Variants in IL2RA observed in about 807,000 individuals in gnomAD.
IL2RA encodes the protein interleukin-2 receptor subunit alpha.
Under a neutral mutation model 37.8 loss-of-function variants are expected in IL2RA, and 24 were observed. The ratio of observed to expected loss-of-function variants is 0.63; its 90% CI spans 0.46 to 0.89. IL2RA has a LOEUF of 0.89. Ranked by LOEUF, IL2RA falls within the 40% of genes least tolerant of loss-of-function variation. IL2RA has a pLI of 0.00. For synonymous variants in IL2RA, 125 were observed against 114.6 expected (o/e 1.09, Z -0.58); for missense variants, 319 against 348.6 (o/e 0.92, Z 0.68).
intron 1 of IL2RA, among the ~76,000 whole-genome samples, chr10:6,031,555 A>G (rs990668944): frequency 2.1e-5 from 3 of 144,324 alleles, no homozygotes; most frequent in Non-Finnish European, 4.5e-5. Flanking sequence ...AGTTCTATAT[A>G]CTGACACAAC....
rs12722671 is a variant in IL2RA, at chr10:6,033,198, G to A, written c.65-7173C>T. On this transcript the variant is annotated intron_variant, in intron 1 of 7. Coordinates refer to ENST00000379959, the MANE Select transcript of IL2RA (RefSeq NM_000417.3). The surrounding 1 kb of genome is among the most constrained non-coding windows in gnomAD (Gnocchi z 4.3). ...TTGAGACCAGCCCGGTCAACATGGC[G>A]AAACCCTTTCTCTACTAAGGAGGCA... is the stretch of plus-strand genomic sequence containing the variant. Among the ~76,000 whole-genome samples, 376 of 152,120 alleles carry A rather than the reference G, an allele frequency of 2.5e-3. 2 individuals carry two copies. The highest frequency in any genetic ancestry group is 8.1e-3 in the African/African-American group (337 of 41,512).
Position 6,054,779 on chromosome 10 carries a change from T to G in IL2RA, c.64+7309A>C, listed in dbSNP as rs1050296946. 1.3e-5 allele frequency among the ~76,000 whole-genome samples: 2 copies of G among 152,186 alleles called. No individual in the cohort carries two copies. The highest frequency in any genetic ancestry group is 2.4e-5 in the African/African-American group (1 of 41,442). On this transcript the variant is annotated intron_variant, in intron 1 of 7. Coordinates refer to ENST00000379959, the MANE Select transcript of IL2RA (RefSeq NM_000417.3). This position sits in a 1 kb window ranked among gnomAD's most constrained non-coding sequence, Gnocchi z 4.5. ...TTTTTTTCTAGTTCTCCAGGTAGCA[T>G]GTTACTCTCCCTATTCTGATCATTT...
chr10:6,030,580 T>C (rs1449274089), intron 1 of IL2RA, among the ~76,000 whole-genome samples: 1 of 152,168 alleles, frequency 6.6e-6, no homozygotes, highest in East Asian at 1.9e-4. Context: ...TAGTATATTT[T>C]CAGATAAAAG....
chr10:6,043,733 C>T (rs1003478636), intron 1 of IL2RA, among the ~76,000 whole-genome samples: 1 of 152,024 alleles, frequency 6.6e-6, no homozygotes, highest in Non-Finnish European at 1.5e-5. Context: ...CCATCACGCA[C>T]GACAAGAGCA....
rs1589293421 is a variant in IL2RA, at chr10:6,021,721, G to T, written c.368-28C>A. Reference sequence around the variant, plus strand: ...GGAAGATGGAAGGAATGCTCTGAAGGCAAGTTGGGGACAGCACCGCGAGTG... The same window carrying T: ...GGAAGATGGAAGGAATGCTCTGAAGTCAAGTTGGGGACAGCACCGCGAGTG... On this transcript the variant is annotated intron_variant, in intron 3 of 7. Transcript: ENST00000379959. This position sits in a 1 kb window ranked among gnomAD's most constrained non-coding sequence, Gnocchi z 4.9. The T allele has an allele frequency of 6.2e-7, 1 of 1,600,884 alleles. No individual in the cohort carries two copies. Among genetic ancestry groups the T allele is most frequent in the Non-Finnish European group, 8.6e-7 (1 of 1,168,364 alleles).
chr10:6,051,935 GTCACAGACTT>G (rs1839970186), intron 1 of IL2RA, among the ~76,000 whole-genome samples: 1 of 149,522 alleles, frequency 6.7e-6, no homozygotes, highest in Admixed American at 6.7e-5. Context: ...CCTTGGAGAA[GTCACAGACTT>G]TTAGGATTGG....
rs1564545295 is a variant in IL2RA, at chr10:6,029,695, T to A, written c.65-3670A>T. The stretch of plus-strand genomic sequence containing the variant: ...TGAAACAACAGGATATCTCAGTAGA[T>A]AAATGAAAACTTGTAATTTTTTTTT... On this transcript the variant is annotated intron_variant, in intron 1 of 7. Coordinates refer to ENST00000379959, the MANE Select transcript of IL2RA (RefSeq NM_000417.3). The surrounding 1 kb of genome is among the most constrained non-coding windows in gnomAD (Gnocchi z 4.6). 6.6e-6 allele frequency among the ~76,000 whole-genome samples: 1 copy of A among 152,084 alleles called. No individual in the cohort carries two copies. Among genetic ancestry groups the A allele is most frequent in the Non-Finnish European group, 1.5e-5 (1 of 68,002 alleles).
chr10:6,033,077 C>T lies in IL2RA; in HGVS notation c.65-7052G>A, dbSNP rs559442964. Among the ~76,000 whole-genome samples, 31 of 152,178 alleles carry T rather than the reference C, an allele frequency of 2.0e-4. No homozygotes were observed. Among genetic ancestry groups the T allele is most frequent in the Non-Finnish European group, 2.9e-4 (20 of 68,004 alleles). ...TGTAAGTAATGTAATTACTTTGGAA[C>T]ACTATCTGAAAGTATTTGGCCAGGC... On this transcript the variant is annotated intron_variant, in intron 1 of 7. Coordinates refer to ENST00000379959, the MANE Select transcript of IL2RA (RefSeq NM_000417.3). The surrounding 1 kb of genome is among the most constrained non-coding windows in gnomAD (Gnocchi z 4.3).
rs1839670584 is a variant in IL2RA at position 6,035,770 on chromosome 10, C to G, written c.65-9745G>C. Among the ~76,000 whole-genome samples the G allele has an allele frequency of 6.6e-6, 1 of 152,222 alleles. No individual in the cohort carries two copies. Among genetic ancestry groups the G allele is most frequent in the Non-Finnish European group, 1.5e-5 (1 of 68,030 alleles). On this transcript the variant is annotated intron_variant, in intron 1 of 7. Coordinates refer to ENST00000379959, the MANE Select transcript of IL2RA (RefSeq NM_000417.3). This position sits in a 1 kb window ranked among gnomAD's most constrained non-coding sequence, Gnocchi z 5.4. ...CAAGACAGAGTCAAACCGAGTTCTT[C>G]TAGTGTTGAGCGTGTTTCACATCTT...
intron 1 of IL2RA, among the ~76,000 whole-genome samples, chr10:6,027,005 A>G (rs1029167546): frequency 2.6e-5 from 4 of 151,642 alleles, no homozygotes; most frequent in Non-Finnish European, 4.4e-5. Context: ...ATGGCTCAGG[A>G]CTCTCCTGTC....
chr10:6,034,341 G>C (rs1210246894), intron 1 of IL2RA, among the ~76,000 whole-genome samples: 1 of 152,168 alleles, frequency 6.6e-6, no homozygotes, highest in Non-Finnish European at 1.5e-5. Flanking sequence ...GCCTTGTCAG[G>C]AAGTGCCAAA....
At chr10:6,017,973 G>A in intron 7 of IL2RA, 80 bp downstream of exon 7, 1 of 1,091,030 alleles carries the variant, frequency 9.2e-7, no homozygotes, top group South Asian at 1.3e-5. Flanking sequence ...AGAGCATGGA[G>A]GGGGTAGGGG....
chr10:6,045,202 C>T (rs1428980112), intron 1 of IL2RA, among the ~76,000 whole-genome samples: 1 of 152,150 alleles, frequency 6.6e-6, no homozygotes, highest in Non-Finnish European at 1.5e-5. Context: ...TTTCTGAGGC[C>T]TGGTTGACTG....
In IL2RA at chr10:6,058,009, C is replaced by A. The variant is rs1840073063; in HGVS notation, c.64+4079G>T. ...GGCGTGGTGGCAGGTGCCTGTAATC[C>A]CAGCTACTTGGGGAGGCTGAGGCAG... is the stretch of plus-strand genomic sequence containing the variant. On this transcript the variant is annotated intron_variant, in intron 1 of 7. Coordinates refer to ENST00000379959, the MANE Select transcript of IL2RA (RefSeq NM_000417.3). This position sits in a 1 kb window ranked among gnomAD's most constrained non-coding sequence, Gnocchi z 4.2. Among the ~76,000 whole-genome samples, 1 of 152,106 alleles carries A rather than the reference C, an allele frequency of 6.6e-6. No individual in the cohort carries two copies. Among genetic ancestry groups the A allele is most frequent in the Non-Finnish European group, 1.5e-5 (1 of 68,022 alleles).
intron 1 of IL2RA, among the ~76,000 whole-genome samples, chr10:6,032,561 T>C (rs563934714): frequency 7.8e-4 from 118 of 152,062 alleles, no homozygotes; most frequent in African/African-American, 1.7e-3. Flanking sequence ...GGTGTGGTGG[T>C]GTGCGCCTGT....
intron 1 of IL2RA, among the ~76,000 whole-genome samples, chr10:6,031,693 G>A (rs554318438): frequency 2.0e-5 from 3 of 151,378 alleles, no homozygotes; most frequent in South Asian, 4.2e-4. Flanking sequence ...ATATTGCTGA[G>A]ACATATTTTA....
At chr10:6,032,113 C>A (rs563598483) in intron 1 of IL2RA, among the ~76,000 whole-genome samples, 17 of 151,338 alleles carry the variant, frequency 1.1e-4, no homozygotes, top group African/African-American at 4.1e-4. Context: ...AAGGAAAAAT[C>A]TTTTCGACAA....
At chr10:6,050,466 A>T (rs1303972835) in intron 1 of IL2RA, among the ~76,000 whole-genome samples, 2 of 151,986 alleles carry the variant, frequency 1.3e-5, no homozygotes, top group Non-Finnish European at 2.9e-5. Context: ...GTCTCTACTA[A>T]CCTGTCTCTA....
intron 7 of IL2RA, among the ~76,000 whole-genome samples, chr10:6,017,825 G>A (rs1457365074): frequency 6.6e-6 from 1 of 152,116 alleles, no homozygotes; most frequent in African/African-American, 2.4e-5. Flanking sequence ...GATCCACTCA[G>A]CCTTGGCCTC....
Sources: allele counts gnomAD v4.1 joint callset (sites outside exome capture counted in the v4.1 genomes callset), GRCh38; gene constraint gnomAD v4.1.1; non-coding constraint Gnocchi (gnomAD v3.1); transcripts MANE v1.5; gene names NCBI Gene and HGNC (gene_info 2026-07-23, HGNC 2026-07-21).